The following NBR1 variants were observed in gnomAD, a reference collection of about 807,000 sequenced individuals.
NBR1 encodes the protein next to BRCA1 gene 1 protein.
In NBR1, 59 loss-of-function variants were observed where a neutral mutation model predicts 115.5. The observed-to-expected ratio is 0.51, with a 90% CI of 0.41 to 0.63. The LOEUF (loss-of-function observed/expected upper bound fraction) is 0.63. NBR1 is among the 30% of genes least tolerant of loss of function. The pLI, the probability that NBR1 is intolerant of heterozygous loss-of-function variation, is 0.00. For missense variants in NBR1, 1,043 were observed against 1,150.5 expected (o/e 0.91, Z 1.35); for synonymous variants, 373 against 414.7 (o/e 0.90, Z 1.22).
At chr17:43,199,292 C>T (rs2057141066) in intron 16 of NBR1, among the ~76,000 whole-genome samples, 1 of 151,562 alleles carries the variant, frequency 6.6e-6, no homozygotes, top group Non-Finnish European at 1.5e-5. Context: ...CCAGGCTGGT[C>T]CCAAACTTCT....
At position 43,210,073 on chromosome 17, in the gene NBR1, G is replaced by A. The variant is rs569034474; in HGVS notation, c.2900G>A (p.Ter967=). ...AACGACTGGTACAGCCAACGCTATT[G>A]AGGAGTGACCTTGTATTAAATAACT... ...NNNDWYSQRY[*] The change falls in exon 21 of 21, where the codon TGA becomes TAA. Residue 967 remains the stop codon, a stop_retained_variant. Transcript: ENST00000590996. The A allele has an allele frequency of 6.2e-7, 1 of 1,609,128 alleles. No individual in the cohort carries two copies. Among genetic ancestry groups the A allele is most frequent in the African/African-American group, 1.3e-5 (1 of 74,796 alleles).
At chr17:43,200,867 G>GTTTTTTTT (rs556106085) in intron 17 of NBR1, among the ~76,000 whole-genome samples, 3 of 123,644 alleles carry the variant, frequency 2.4e-5, no homozygotes, top group African/African-American at 3.1e-5. Flanking sequence ...AGCTGGTTGT[G>GTTTTTTTT]TTTTTTTTTT....
chr17:43,196,718 T>G (rs1378955463), intron 15 of NBR1, 127 bp downstream of exon 15: 1 of 876,812 alleles, frequency 1.1e-6, no homozygotes, highest in Non-Finnish European at 1.8e-6. Context: ...CATCTCATGT[T>G]TTGAAGTCTC....
intron 17 of NBR1, among the ~76,000 whole-genome samples, chr17:43,201,449 A>C (rs2154582367): frequency 6.6e-6 from 1 of 152,288 alleles, no homozygotes; most frequent in Non-Finnish European, 1.5e-5. Context: ...ACACCACTTG[A>C]TATAGGTGGG....
chr17:43,177,616 C>G (rs1272447647), intron 2 of NBR1, among the ~76,000 whole-genome samples: 1 of 141,138 alleles, frequency 7.1e-6, no homozygotes, highest in Non-Finnish European at 1.6e-5. Context: ...CACACACACA[C>G]ACACAGTTTG....
intron 7 of NBR1, 134 bp from the exon 8 acceptor site, chr17:43,189,454 C>A: frequency 1.5e-6 from 1 of 650,596 alleles, no homozygotes; most frequent in Non-Finnish European, 2.7e-6. Flanking sequence ...ATGTTTCTGT[C>A]TATTCAGTAG....
chr17:43,184,229 T>G (rs1436815708), intron 5 of NBR1, among the ~76,000 whole-genome samples: 1 of 143,062 alleles, frequency 7.0e-6, no homozygotes, highest in Non-Finnish European at 1.5e-5. Flanking sequence ...TTTTTAAACT[T>G]TTTTTTTTTT....
At chr17:43,186,735 G>A (rs2056812234) in intron 6 of NBR1, among the ~76,000 whole-genome samples, 1 of 149,658 alleles carries the variant, frequency 6.7e-6, no homozygotes, top group African/African-American at 2.5e-5. Context: ...TGTTCTCATT[G>A]TTCAACTCCC....
At chr17:43,204,763 C>T (rs1051970118) in intron 20 of NBR1, among the ~76,000 whole-genome samples, 5 of 145,804 alleles carry the variant, frequency 3.4e-5, no homozygotes, top group South Asian at 4.3e-4. Context: ...TGCAGTGAGC[C>T]GAGATGGCAC....
chr17:43,181,657 C>T (rs1166497319), intron 5 of NBR1, among the ~76,000 whole-genome samples: 1 of 149,242 alleles, frequency 6.7e-6, no homozygotes, highest in African/African-American at 2.5e-5. Context: ...CAGTGAGACT[C>T]TGTCTCAAAA....
rs2056947912 is a variant in NBR1 at position 43,191,570 on chromosome 17, T to C, written c.1062T>C (p.Ser354=). The C allele has an allele frequency of 1.2e-6, 2 of 1,610,472 alleles. No individual in the cohort carries two copies. ...GCCGACCTGAGAGCTTGCTCCAGTC[T>C]AATACCCTGATGTAAGCCCAGGACT... ...PLGRPESLLQ[S]NTLMLPLQPC... Residue 354 remains serine (S), a synonymous_variant, in exon 10 of 21, where the codon TCT becomes TCC. Transcript: ENST00000590996.
Position 43,186,399 on chromosome 17 carries a change from A to G in NBR1, c.357A>G (p.Arg119=), listed in dbSNP as rs372841713. The G allele has an allele frequency of 1.9e-6, 3 of 1,600,636 alleles. No homozygotes were observed. Among genetic ancestry groups the G allele is most frequent in the Non-Finnish European group, 2.6e-6 (3 of 1,174,580 alleles). Residue 119 remains arginine, a synonymous_variant, in exon 6 of 21, where the codon AGA becomes AGG. Coordinates refer to ENST00000590996, the MANE Select transcript of NBR1 (RefSeq NM_005899.5). ...KPLAHYSSLV[R]VLGSDMKTPE... The stretch of plus-strand genomic sequence containing the variant: ...TTGCACATTACTCTTCACTGGTGAG[A>G]GTCTTGGGATCAGACATGAAGACCC...
intron 1 of NBR1, among the ~76,000 whole-genome samples, chr17:43,175,043 G>A (rs889367654): frequency 1.3e-5 from 2 of 152,150 alleles, no homozygotes; most frequent in African/African-American, 4.8e-5. Flanking sequence ...AGGTTGCAGT[G>A]AGCTGAGATC....
At chr17:43,177,432 T>G (rs2056545534) in intron 2 of NBR1, among the ~76,000 whole-genome samples, 1 of 151,942 alleles carries the variant, frequency 6.6e-6, no homozygotes, top group South Asian at 2.1e-4. Context: ...TATTTGAAAT[T>G]TTAATAGATT....
Position 43,190,755 on chromosome 17 carries a change from C to G in NBR1, c.842C>G (p.Pro281Arg). 6.2e-7 allele frequency: 1 copy of G among 1,606,768 alleles called. No homozygotes were observed. Among genetic ancestry groups the G allele is most frequent in the Non-Finnish European group, 8.5e-7 (1 of 1,175,186 alleles). Residue 281 changes from proline to arginine, a missense_variant, in exon 9 of 21, where the codon CCT becomes CGT. Physicochemically the swap from Pro to Arg is moderately radical, Grantham distance 103. Transcript: ENST00000590996. ...CHSKYSTPRL[P>R]AALEQVRLQK... Reference sequence around the variant, plus strand: ...TCAAAGTACTCTACTCCTCGTCTTCCTGCTGCTCTGGAACAAGTCAGGTAA... The same window carrying G: ...TCAAAGTACTCTACTCCTCGTCTTCGTGCTGCTCTGGAACAAGTCAGGTAA...
intron 5 of NBR1, among the ~76,000 whole-genome samples, chr17:43,185,396 C>T (rs928753380): frequency 1.3e-5 from 2 of 151,982 alleles, no homozygotes; most frequent in Non-Finnish European, 2.9e-5. Context: ...TGAAATTTCA[C>T]CTCTACAAAA....
In NBR1 at chr17:43,175,420, G is replaced by A. The variant is rs565659701; in HGVS notation, c.-9-371G>A. ...AGTTAACCAGTCATCATAAAGTACC[G>A]TAAGGATTTTACAAATGCTAGATGA... On this transcript the variant is annotated intron_variant, in intron 1 of 20. Transcript: ENST00000590996. Among the ~76,000 whole-genome samples, 269 of 152,262 alleles carry A rather than the reference G, an allele frequency of 1.8e-3. 2 individuals carry two copies. Among genetic ancestry groups the A allele is most frequent in the Middle Eastern group, 0.01 (3 of 294 alleles).
chr17:43,204,453 T>G (rs1285984677), intron 20 of NBR1, among the ~76,000 whole-genome samples: 1 of 151,738 alleles, frequency 6.6e-6, no homozygotes, highest in Non-Finnish European at 1.5e-5. Context: ...GAGGATTGCT[T>G]GAGCCCAGGA....
At chr17:43,194,915 A>G (rs747432807) in intron 13 of NBR1, 49 bp from the exon 14 acceptor site, 2 of 1,451,920 alleles carry the variant, frequency 1.4e-6, no homozygotes, top group African/African-American at 1.4e-5. Context: ...CCATCAAGAC[A>G]TGGCTCCAGC....
Sources: allele counts gnomAD v4.1 joint callset (sites outside exome capture counted in the v4.1 genomes callset), GRCh38; gene constraint gnomAD v4.1.1; transcripts MANE v1.5; gene names NCBI Gene and HGNC (gene_info 2026-07-23, HGNC 2026-07-21).